Variants in MAP2K4 observed in about 807,000 individuals in gnomAD.
MAP2K4 encodes mitogen-activated protein kinase kinase 4.
MAP2K4 carries 4 observed loss-of-function variants against 48.5 expected under a neutral mutation model. The ratio of observed to expected loss-of-function variants is 0.08; its 90% CI spans 0.04 to 0.19. The LOEUF is 0.19. Ranked by LOEUF, MAP2K4 falls within the 10% of genes least tolerant of loss-of-function variation. The pLI, the probability that MAP2K4 is intolerant of heterozygous loss-of-function variation, is 1.00. For missense variants in MAP2K4, 258 were observed against 493.3 expected, an observed-to-expected ratio of 0.52 and a Z score of 4.52; for synonymous variants, 166 against 173.1, an observed-to-expected ratio of 0.96 and a Z score of 0.32.
chr17:12,051,649 G>A (rs1337524500), intron 1 of MAP2K4, among the ~76,000 whole-genome samples: 1 of 152,068 alleles, frequency 6.6e-6, no homozygotes, highest in Non-Finnish European at 1.5e-5. Context: ...ATCTTTGTTA[G>A]CATCTAAAAA....
chr17:12,125,187 C>A, intron 7 of MAP2K4, 107 bp from the exon 8 acceptor site: 1 of 779,952 alleles, frequency 1.3e-6, no homozygotes, highest in South Asian at 1.4e-5. Flanking sequence ...ACATGGATTC[C>A]TCTAGGAATA....
chr17:12,139,663 T>C (rs1973313724), intron 9 of MAP2K4, among the ~76,000 whole-genome samples, 176 bp from the exon 10 acceptor site: 1 of 152,192 alleles, frequency 6.6e-6, no homozygotes, highest in Non-Finnish European at 1.5e-5. Flanking sequence ...ATCTTCAGAT[T>C]ATAGACTCAC....
chr17:12,134,992 T>G (rs1053264854), intron 9 of MAP2K4, among the ~76,000 whole-genome samples: 30 of 152,194 alleles, frequency 2.0e-4, no homozygotes, highest in African/African-American at 7.0e-4. Flanking sequence ...AACCTCAACT[T>G]CCCAGGCTCA....
chr17:12,130,447 A>G (rs1250908051), intron 9 of MAP2K4, among the ~76,000 whole-genome samples: 2 of 152,188 alleles, frequency 1.3e-5, no homozygotes, highest in East Asian at 1.9e-4. Flanking sequence ...TTTCATTTTT[A>G]TGACATATTT....
At chr17:12,050,065 T>C (rs577668475) in intron 1 of MAP2K4, among the ~76,000 whole-genome samples, 1 of 152,294 alleles carries the variant, frequency 6.6e-6, no homozygotes, top group South Asian at 2.1e-4. Flanking sequence ...ATATGCAGAT[T>C]GGCTAAAATG....
chr17:12,023,355 C>A (rs1328028365), intron 1 of MAP2K4, among the ~76,000 whole-genome samples: 1 of 152,046 alleles, frequency 6.6e-6, no homozygotes. Flanking sequence ...AGAAAGATTC[C>A]CATCCAATTG....
chr17:12,126,980 A>G (rs1408933068), intron 8 of MAP2K4, among the ~76,000 whole-genome samples: 1 of 152,198 alleles, frequency 6.6e-6, no homozygotes, highest in African/African-American at 2.4e-5. Context: ...TAGCCCAGAA[A>G]TACACAGGTT....
intron 3 of MAP2K4, among the ~76,000 whole-genome samples, chr17:12,088,890 T>C (rs1033869533): frequency 6.6e-6 from 1 of 150,958 alleles, no homozygotes; most frequent in Non-Finnish European, 1.5e-5. Flanking sequence ...TGGCAATTAC[T>C]TGAAATACAG....
At chr17:12,050,481 AAAT>A (rs1970104870) in intron 1 of MAP2K4, among the ~76,000 whole-genome samples, 1 of 152,186 alleles carries the variant, frequency 6.6e-6, no homozygotes. Flanking sequence ...TTTGGAAACT[AAAT>A]AATGCTGGCT....
chr17:12,112,934 T>C (rs2151577359), intron 6 of MAP2K4: 1 of 182,322 alleles, frequency 5.5e-6, no homozygotes, highest in East Asian at 1.3e-4. Context: ...TTTTTCTGTG[T>C]TTTATAAATA....
intron 8 of MAP2K4, among the ~76,000 whole-genome samples, chr17:12,126,295 A>C (rs1186889039): frequency 2.6e-5 from 4 of 152,012 alleles, no homozygotes; most frequent in African/African-American, 9.7e-5. Flanking sequence ...GCAACAAGCA[A>C]GCGCAATTAT....
Position 12,063,596 on chromosome 17 carries a change from T to C in MAP2K4, c.218+8605T>C, listed in dbSNP as rs574532801. 3.3e-5 allele frequency among the ~76,000 whole-genome samples: 5 copies of C among 152,268 alleles called. No individual in the cohort carries two copies. The South Asian group carries it at 1.0e-3, about 32-fold the overall frequency. Reference sequence around the variant, plus strand: ...CTGGCATAGGCAGAAATTTCTTTGATAGGACAAAGAAACCACTAAAAAATA... The same window carrying C: ...CTGGCATAGGCAGAAATTTCTTTGACAGGACAAAGAAACCACTAAAAAATA... On this transcript the variant is annotated intron_variant, in intron 2 of 10. Transcript: ENST00000353533.
chr17:12,059,635 T>C (rs2151529772), intron 2 of MAP2K4, among the ~76,000 whole-genome samples: 1 of 152,320 alleles, frequency 6.6e-6, no homozygotes, highest in Non-Finnish European at 1.5e-5. Context: ...TTTAAAGTGC[T>C]CTCTTTAGAC....
chr17:12,105,661 C>G (rs1972086003), intron 4 of MAP2K4, among the ~76,000 whole-genome samples: 1 of 151,946 alleles, frequency 6.6e-6, no homozygotes, highest in African/African-American at 2.4e-5. Flanking sequence ...TCAGGCAGCT[C>G]AGAGCATTTC....
intron 3 of MAP2K4, among the ~76,000 whole-genome samples, chr17:12,092,034 G>C (rs72821266): frequency 0.22 from 33,982 of 151,938 alleles, 3,985 homozygotes; most frequent in Middle Eastern, 0.26. Flanking sequence ...AAAGAGCTCA[G>C]TAACCCCATA....
chr17:12,125,191 A>G, intron 7 of MAP2K4, 103 bp from the exon 8 acceptor site: 1 of 791,908 alleles, frequency 1.3e-6, no homozygotes, highest in Admixed American at 1.8e-5. Flanking sequence ...GGATTCCTCT[A>G]GGAATATACT....
At chr17:12,102,787 A>G (rs936482836) in intron 4 of MAP2K4, among the ~76,000 whole-genome samples, 3 of 152,044 alleles carry the variant, frequency 2.0e-5, no homozygotes, top group African/African-American at 4.8e-5. Flanking sequence ...CCTTTCATCT[A>G]AATTATCAAA....
At chr17:12,066,727 T>G (rs1970627849) in intron 2 of MAP2K4, among the ~76,000 whole-genome samples, 1 of 152,164 alleles carries the variant, frequency 6.6e-6, no homozygotes, top group African/African-American at 2.4e-5. Flanking sequence ...TCTCGTTCTG[T>G]CGCCCAGGCG....
At chr17:12,082,360 GA>G (rs1414693106) in intron 3 of MAP2K4, among the ~76,000 whole-genome samples, 1 of 151,988 alleles carries the variant, frequency 6.6e-6, no homozygotes, top group African/African-American at 2.4e-5. Flanking sequence ...AAAAACAAAG[GA>G]AAAAAAGCTA....
Sources: gnomAD v4.1 joint callset for allele counts (sites outside exome capture counted in the v4.1 genomes callset) on GRCh38, gnomAD v4.1.1 for gene constraint, MANE v1.5 for transcripts, NCBI Gene and HGNC (gene_info 2026-07-23, HGNC 2026-07-21) for gene names.